CRACD: variants seen among roughly 807,000 people sequenced by gnomAD.
The protein encoded by CRACD is capping protein inhibiting regulator of actin dynamics.
CRACD carries 56 observed loss-of-function variants against 106.8 expected under a neutral mutation model. The observed-to-expected ratio is 0.52, with a 90% CI of 0.42 to 0.66. The LOEUF (loss-of-function observed/expected upper bound fraction) is 0.66. Ranked by LOEUF, CRACD falls within the 30% of genes least tolerant of loss-of-function variation. The pLI is 0.00. For missense variants in CRACD, 1,730 were observed against 1,623.2 expected, an observed-to-expected ratio of 1.07 and a Z score of -1.13; for synonymous variants, 754 against 670.8, an observed-to-expected ratio of 1.12 and a Z score of -1.92.
chr4:56,308,756 T>A (rs1744929430), intron 5 of CRACD: 1 of 985,266 alleles, frequency 1.0e-6, no homozygotes, highest in African/African-American at 1.7e-5. Flanking sequence ...GGCCCATCTC[T>A]CCCGGCAGCT....
chr4:56,299,159 A>G (rs1744221358), intron 4 of CRACD, among the ~76,000 whole-genome samples: 2 of 152,140 alleles, frequency 1.3e-5, no homozygotes, highest in South Asian at 4.1e-4. Flanking sequence ...TCTCAGAAGA[A>G]AATCACAAAG....
intron 2 of CRACD, among the ~76,000 whole-genome samples, chr4:56,253,461 A>T (rs1283756187): frequency 6.6e-6 from 1 of 152,158 alleles, no homozygotes; most frequent in African/African-American, 2.4e-5. Context: ...AAGCTAGAAA[A>T]TGGCAGAGGT....
rs76859062 is a variant in CRACD at position 56,171,845 on chromosome 4, C to T, written c.-335-7439C>T. Among the ~76,000 whole-genome samples, 839 of 152,066 alleles carry T rather than the reference C, an allele frequency of 5.5e-3. 8 individuals carry two copies. The highest frequency in any genetic ancestry group is 0.019 in the African/African-American group (796 of 41,482). ...GCACCTGTGAATATGTTTCCATGTG[C>T]TCATGGTTTCAGATTTTCCACCTTT... is the stretch of plus-strand genomic sequence containing the variant. On this transcript the variant is annotated intron_variant, in intron 1 of 10. Transcript: ENST00000682029.
chr4:56,271,805 G>A (rs1742363032), intron 2 of CRACD, among the ~76,000 whole-genome samples: 1 of 152,054 alleles, frequency 6.6e-6, no homozygotes, highest in African/African-American at 2.4e-5. Flanking sequence ...GAGTGCGGTG[G>A]TGTGATCACA....
chr4:56,049,534 C>A (rs1731797246), intron 1 of CRACD, among the ~76,000 whole-genome samples: 1 of 152,136 alleles, frequency 6.6e-6, no homozygotes, highest in South Asian at 2.1e-4. Context: ...CTTTGGATCC[C>A]CGCAGGGGAA....
At chr4:56,174,026 A>G (rs1157879358) in intron 1 of CRACD, among the ~76,000 whole-genome samples, 1 of 152,218 alleles carries the variant, frequency 6.6e-6, no homozygotes. Flanking sequence ...TTGGAGAAAT[A>G]TTTATGCAAA....
intron 2 of CRACD, among the ~76,000 whole-genome samples, chr4:56,254,021 C>T (rs1423497415): frequency 6.6e-6 from 1 of 152,208 alleles, no homozygotes; most frequent in East Asian, 1.9e-4. Flanking sequence ...GGAAGGTCAT[C>T]TGTTCCACCA....
At chr4:56,280,915 A>AC (rs1262124049) in intron 3 of CRACD, among the ~76,000 whole-genome samples, 1 of 152,186 alleles carries the variant, frequency 6.6e-6, no homozygotes, top group East Asian at 1.9e-4. Flanking sequence ...GTTTTACTTG[A>AC]CTGTTTATCC....
At chr4:56,301,136 G>A (rs539042363) in intron 4 of CRACD, 216 of 784,306 alleles carry the variant, frequency 2.8e-4, no homozygotes, top group Non-Finnish European at 3.9e-4. Context: ...GGGAAATGGG[G>A]ACCATTATCA....
intron 2 of CRACD, among the ~76,000 whole-genome samples, chr4:56,253,795 G>C (rs1455977651): frequency 3.9e-5 from 6 of 152,136 alleles, no homozygotes; most frequent in Non-Finnish European, 7.4e-5. Flanking sequence ...GACAGTGAAG[G>C]GTTGCATAGC....
chr4:56,270,585 T>C (rs540811779), intron 2 of CRACD, among the ~76,000 whole-genome samples: 5 of 152,254 alleles, frequency 3.3e-5, no homozygotes, highest in Admixed American at 1.3e-4. Context: ...GCCTCTATCT[T>C]TACTTCTCTC....
intron 2 of CRACD, among the ~76,000 whole-genome samples, chr4:56,197,265 A>T (rs959972864): frequency 5.3e-5 from 8 of 151,442 alleles, no homozygotes; most frequent in African/African-American, 2.0e-4. Context: ...CTTGGCAGAG[A>T]TTAAAAAAAA....
intron 1 of CRACD, among the ~76,000 whole-genome samples, chr4:56,119,002 A>G (rs6554331): frequency 0.04 from 6,145 of 152,314 alleles, 444 homozygotes; most frequent in African/African-American, 0.14. Flanking sequence ...CAATACAGCC[A>G]GTATTTATTA....
chr4:56,134,533 A>G (rs995609587), intron 1 of CRACD, among the ~76,000 whole-genome samples: 7 of 152,178 alleles, frequency 4.6e-5, no homozygotes, highest in Non-Finnish European at 1.0e-4. Flanking sequence ...GCTCTGTCTG[A>G]GAGAAGGAAC....
chr4:56,049,398 C>T (rs1384588156), intron 1 of CRACD, 99 bp downstream of exon 1: 1 of 152,002 alleles, frequency 6.6e-6, no homozygotes, highest in Non-Finnish European at 1.5e-5. Flanking sequence ...CCCCGCAGCG[C>T]CCCGGGACTC....
Position 56,228,901 on chromosome 4 carries a change from G to A in CRACD, c.-188-43420G>A, listed in dbSNP as rs183428961. Reference sequence around the variant, plus strand: ...CAATCCTGCCATTTATTAACTAGGAGACCTTGGAGTCATCATATAAAATCC... The same window carrying A: ...CAATCCTGCCATTTATTAACTAGGAAACCTTGGAGTCATCATATAAAATCC... On this transcript the variant is annotated intron_variant, in intron 2 of 10. Transcript: ENST00000682029. Among the ~76,000 whole-genome samples the A allele has an allele frequency of 2.5e-3, 382 of 152,276 alleles. 1 individual carries two copies. The highest frequency in any genetic ancestry group is 8.7e-3 in the African/African-American group (362 of 41,540).
chr4:56,235,982 A>G (rs567048165), intron 2 of CRACD, among the ~76,000 whole-genome samples: 1 of 152,294 alleles, frequency 6.6e-6, no homozygotes, highest in African/African-American at 2.4e-5. Flanking sequence ...AGCCTGAGTT[A>G]TCTGCGCTGG....
intron 1 of CRACD, among the ~76,000 whole-genome samples, chr4:56,165,009 G>C (rs1236748870): frequency 6.6e-6 from 1 of 152,130 alleles, no homozygotes; most frequent in Non-Finnish European, 1.5e-5. Context: ...AAACAACTTG[G>C]GCAGTTGGAA....
At chr4:56,325,117 T>C (rs143066724) in intron 10 of CRACD, among the ~76,000 whole-genome samples, 3 of 152,292 alleles carry the variant, frequency 2.0e-5, no homozygotes, top group African/African-American at 7.2e-5. Flanking sequence ...GGCAGATTGC[T>C]TGAGCCCAGG....
Sources: allele counts gnomAD v4.1 joint callset (sites outside exome capture counted in the v4.1 genomes callset), GRCh38; gene constraint gnomAD v4.1.1; transcripts MANE v1.5; gene names NCBI Gene and HGNC (gene_info 2026-07-23, HGNC 2026-07-21).